MAF: variants seen among roughly 807,000 people sequenced by gnomAD.
The protein encoded by MAF is transcription factor Maf.
Under a neutral mutation model 22.0 loss-of-function variants are expected in MAF, and 10 were observed. The observed-to-expected ratio is 0.45, with a 90% CI of 0.28 to 0.77. The LOEUF is 0.77. Ranked by LOEUF, MAF falls within the 30% of genes least tolerant of loss-of-function variation. The pLI is 0.12. For synonymous variants in MAF, 337 were observed against 255.8 expected, an observed-to-expected ratio of 1.32 and a Z score of -3.03; for missense variants, 544 against 548.4, an observed-to-expected ratio of 0.99 and a Z score of 0.08.
the MAF span, among the ~76,000 whole-genome samples, chr16:79,351,953 T>G: frequency 6.6e-6 from 1 of 152,136 alleles, no homozygotes; most frequent in African/African-American, 2.4e-5. Flanking sequence ...CACCCCAAGA[T>G]AAGCATGCCG....
the MAF span, among the ~76,000 whole-genome samples, chr16:79,424,329 G>C: frequency 6.6e-6 from 1 of 152,170 alleles, no homozygotes; most frequent in East Asian, 1.9e-4. Flanking sequence ...ACTGGAATTC[G>C]AATTCAATAC....
the MAF span, among the ~76,000 whole-genome samples, chr16:79,226,057 C>G: frequency 1.3e-5 from 2 of 152,074 alleles, no homozygotes; most frequent in East Asian, 3.9e-4. Flanking sequence ...ATAAATCATT[C>G]TACTATAAAG....
At chr16:79,475,472 A>G in the MAF span, among the ~76,000 whole-genome samples, 3 of 151,908 alleles carry the variant, frequency 2.0e-5, no homozygotes, top group Admixed American at 6.6e-5. Flanking sequence ...TCAAATATCC[A>G]TGTACACTTT....
chr16:79,272,703 C>T, the MAF span, among the ~76,000 whole-genome samples: 1 of 152,292 alleles, frequency 6.6e-6, no homozygotes, highest in South Asian at 2.1e-4. Flanking sequence ...TTCATTTGTC[C>T]ATTCATTCAT....
At chr16:79,228,865 G>A in the MAF span, among the ~76,000 whole-genome samples, 3 of 151,898 alleles carry the variant, frequency 2.0e-5, no homozygotes, top group African/African-American at 7.3e-5. Flanking sequence ...GGAGGATCAT[G>A]TACATAGACT....
chr16:79,454,584 C>T, the MAF span, among the ~76,000 whole-genome samples: 1 of 152,298 alleles, frequency 6.6e-6, no homozygotes, highest in South Asian at 2.1e-4. Flanking sequence ...AGGAATCATG[C>T]AGCCCATTTC....
At chr16:79,312,613 G>A in the MAF span, among the ~76,000 whole-genome samples, 6 of 152,154 alleles carry the variant, frequency 3.9e-5, no homozygotes, top group East Asian at 1.9e-4. Context: ...TAAGGCCTGC[G>A]CCCAATACCT....
At chr16:79,269,960 A>G in the MAF span, among the ~76,000 whole-genome samples, 1 of 152,174 alleles carries the variant, frequency 6.6e-6, no homozygotes, top group East Asian at 1.9e-4. Context: ...TGGTCCATTC[A>G]TCTCTCAAGA....
the MAF span, among the ~76,000 whole-genome samples, chr16:79,272,178 C>T: frequency 2.0e-5 from 3 of 152,194 alleles, no homozygotes; most frequent in East Asian, 1.9e-4. Context: ...CTTGATGTGG[C>T]GTCTCTGGTT....
chr16:79,572,459 C>A, the MAF span, among the ~76,000 whole-genome samples: 2 of 152,186 alleles, frequency 1.3e-5, no homozygotes, highest in African/African-American at 2.4e-5. Flanking sequence ...TGAACAATAC[C>A]GGCCTTAATT....
chr16:79,261,747 CA>C, the MAF span, among the ~76,000 whole-genome samples: 1 of 152,134 alleles, frequency 6.6e-6, no homozygotes, highest in South Asian at 2.1e-4. Context: ...GAAGTTCCTG[CA>C]GCAGATGGGA....
the MAF span, among the ~76,000 whole-genome samples, chr16:79,512,026 G>A: frequency 6.6e-6 from 1 of 152,166 alleles, no homozygotes; most frequent in African/African-American, 2.4e-5. Context: ...CCCAGTGCAC[G>A]AACTTCTTCT....
chr16:79,476,806 T>C, the MAF span, among the ~76,000 whole-genome samples: 1 of 152,220 alleles, frequency 6.6e-6, no homozygotes, highest in Non-Finnish European at 1.5e-5. Context: ...TGGGTAACCT[T>C]AGGCAATGAA....
At chr16:79,374,639 C>T in the MAF span, among the ~76,000 whole-genome samples, 1 of 152,178 alleles carries the variant, frequency 6.6e-6, no homozygotes, top group South Asian at 2.1e-4. Flanking sequence ...TAGAAGGCTG[C>T]CTGTGGTCTC....
chr16:79,310,196 A>G, the MAF span, among the ~76,000 whole-genome samples: 1 of 152,148 alleles, frequency 6.6e-6, no homozygotes, highest in Non-Finnish European at 1.5e-5. Flanking sequence ...CATGAGGTCA[A>G]TCCCTGACTT....
At chr16:79,593,771 G>C (rs1215762251), downstream of MAF, 2 of 99,632 alleles carry the variant, frequency 2.0e-5, no homozygotes, top group African/African-American at 8.7e-5. Flanking sequence ...AAATGTAAAG[G>C]AGGTGATTTT....
chr16:79,497,637 C>T, the MAF span, among the ~76,000 whole-genome samples: 51 of 152,368 alleles, frequency 3.3e-4, no homozygotes, highest in Admixed American at 6.5e-4. Context: ...CTGGTGAGGT[C>T]TAGACCCGTG....
the MAF span, among the ~76,000 whole-genome samples, chr16:79,220,356 A>T: frequency 6.6e-6 from 1 of 152,134 alleles, no homozygotes; most frequent in Non-Finnish European, 1.5e-5. Flanking sequence ...CCCACCACTC[A>T]AAAGAACCAA....
the MAF span, among the ~76,000 whole-genome samples, chr16:79,292,312 T>C: frequency 5.7e-4 from 86 of 152,154 alleles, no homozygotes; most frequent in Non-Finnish European, 7.3e-4. Flanking sequence ...CATGTAATGA[T>C]AGAAGCAGAG....
Sources: gnomAD v4.1 joint callset for allele counts (sites outside exome capture counted in the v4.1 genomes callset) on GRCh38, gnomAD v4.1.1 for gene constraint, MANE v1.5 for transcripts, NCBI Gene and HGNC (gene_info 2026-07-23, HGNC 2026-07-21) for gene names.